RXRA: variants seen among roughly 807,000 people sequenced by gnomAD.
RXRA encodes the protein retinoic acid receptor RXR-alpha.
Under a neutral mutation model 44.5 loss-of-function variants are expected in RXRA, and 5 were observed. That is an observed-to-expected ratio of 0.11 (90% CI 0.06 to 0.24). RXRA has a LOEUF of 0.24. Among genes scored for constraint, RXRA ranks in the 10% least tolerant of loss-of-function variants. RXRA has a pLI of 1.00. For missense variants in RXRA, 412 were observed against 646.5 expected (o/e 0.64, Z 3.93); for synonymous variants, 291 against 271.4 (o/e 1.07, Z -0.71).
At chr9:134,380,645 T>C (rs899399904) in intron 1 of RXRA, among the ~76,000 whole-genome samples, 24 of 152,074 alleles carry the variant, frequency 1.6e-4, no homozygotes, top group Non-Finnish European at 1.9e-4. Context: ...TGGCCAGGCC[T>C]TGGCCCTCCT....
intron 1 of RXRA, among the ~76,000 whole-genome samples, chr9:134,328,191 C>T (rs1447819283): frequency 1.3e-5 from 2 of 152,188 alleles, no homozygotes; most frequent in Non-Finnish European, 2.9e-5. Flanking sequence ...GAGCTAGGCT[C>T]TCCCAGACGA....
Position 134,326,622 on chromosome 9 carries a change from A to T in RXRA, c.-10A>T. The T allele has an allele frequency of 1.0e-6, 1 of 959,302 alleles. No individual in the cohort carries two copies. The highest frequency in any genetic ancestry group is 1.2e-6 in the Non-Finnish European group (1 of 813,722). 59.4% of individuals were successfully genotyped at this position (959,302 alleles called of 1,614,324 possible). On this transcript the variant is annotated 5_prime_UTR_variant, in exon 1 of 10. An upstream open reading frame in the 5' UTR loses its in-frame stop. Coordinates refer to ENST00000481739, the MANE Select transcript of RXRA (RefSeq NM_002957.6). ...CTGCGCCGCCGGCCGGGCATGAGTTAGTCGCAGACATGGACACCAAACATT... is the reference window on the plus strand; with the variant it reads ...CTGCGCCGCCGGCCGGGCATGAGTTTGTCGCAGACATGGACACCAAACATT...
chr9:134,429,357 AG>A, intron 7 of RXRA, 117 bp downstream of exon 7: 1 of 1,083,562 alleles, frequency 9.2e-7, no homozygotes, highest in Non-Finnish European at 1.3e-6. Flanking sequence ...CAGTGCATGA[AG>A]GGTGCACACA....
At chr9:134,358,660 G>T (rs1307908849) in intron 1 of RXRA, among the ~76,000 whole-genome samples, 1 of 152,196 alleles carries the variant, frequency 6.6e-6, no homozygotes, top group Non-Finnish European at 1.5e-5. Context: ...CCTAGGCCCT[G>T]CCCTCCCCTC....
rs1831259269 is a variant in RXRA, at chr9:134,417,604, A to G, written c.780+277A>G. Reference sequence around the variant, plus strand: ...CCTGGGGCCCTGCGGCCACATCATCATCCTCGGCCACCTCTGCTGGGGCCT... The same window carrying G: ...CCTGGGGCCCTGCGGCCACATCATCGTCCTCGGCCACCTCTGCTGGGGCCT... On this transcript the variant is annotated intron_variant, in intron 5 of 9. Transcript: ENST00000481739. The surrounding 1 kb of genome is among the most constrained non-coding windows in gnomAD (Gnocchi z 6.1). Among the ~76,000 whole-genome samples, 1 of 151,006 alleles carries G rather than the reference A, an allele frequency of 6.6e-6. No homozygotes were observed. Among genetic ancestry groups the G allele is most frequent in the South Asian group, 2.1e-4 (1 of 4,802 alleles).
At chr9:134,425,327 T>C in intron 6 of RXRA, 1 of 985,232 alleles carries the variant, frequency 1.0e-6, no homozygotes. Context: ...TTTTGGCTTG[T>C]TCCATGGAAG....
At position 134,343,925 on chromosome 9, in the gene RXRA, C is replaced by G. The variant is rs1554748402; in HGVS notation, c.28+17266C>G. On this transcript the variant is annotated intron_variant, in intron 1 of 9. Transcript: ENST00000481739. The surrounding 1 kb of genome is among the most constrained non-coding windows in gnomAD (Gnocchi z 4.1). ...CGGTCATTGGCCCTCGTGGCCCTACCACAGTGGGGTGGGCATCTCCCCATA... is the reference window on the plus strand; with the variant it reads ...CGGTCATTGGCCCTCGTGGCCCTACGACAGTGGGGTGGGCATCTCCCCATA... Among the ~76,000 whole-genome samples, 2 of 152,190 alleles carry G rather than the reference C, an allele frequency of 1.3e-5. No individual in the cohort carries two copies. The highest frequency in any genetic ancestry group is 2.9e-5 in the Non-Finnish European group (2 of 68,018).
chr9:134,350,666 G>T (rs2119042540), intron 1 of RXRA, among the ~76,000 whole-genome samples: 1 of 152,326 alleles, frequency 6.6e-6, no homozygotes, highest in Non-Finnish European at 1.5e-5. Context: ...GCTCCACCCT[G>T]CCCTTCCCCA....
chr9:134,428,114 T>C (rs1831464175), intron 6 of RXRA, among the ~76,000 whole-genome samples: 2 of 152,176 alleles, frequency 1.3e-5, no homozygotes. Context: ...CTGCTCTGCT[T>C]CATCTGCACT....
chr9:134,436,370 G>A (rs1805347), intron 9 of RXRA, 97 bp from the exon 10 acceptor site: 57,543 of 1,229,648 alleles, frequency 0.047, 2,076 homozygotes, highest in South Asian at 0.13. Context: ...GAGGGGTTGG[G>A]GTATCAGACA....
intron 6 of RXRA, chr9:134,422,131 C>T (rs1159367428): frequency 1.5e-6 from 2 of 1,321,712 alleles, no homozygotes; most frequent in Admixed American, 2.3e-5. Flanking sequence ...GGGACACTCC[C>T]CACTCCTGGG....
Position 134,423,405 on chromosome 9 carries a change from C to T in RXRA, c.910+1600C>T, listed in dbSNP as rs1378422573. The T allele has an allele frequency of 3.0e-5, 30 of 985,424 alleles. No individual in the cohort carries two copies. The South Asian group carries it at 6.1e-4, about 20-fold the overall frequency. The allele number at this position is 985,424 out of a possible 1,614,324, so 61.0% of individuals were successfully genotyped here. On this transcript the variant is annotated intron_variant, in intron 6 of 9. Coordinates refer to ENST00000481739, the MANE Select transcript of RXRA (RefSeq NM_002957.6). ...CTGGGGAGCCTCAGCCCATACAAGG[C>T]GGCTCCTAAGTGGCAAGTGGAGAAG...
intron 4 of RXRA, among the ~76,000 whole-genome samples, chr9:134,413,340 G>A (rs1298038886): frequency 6.6e-6 from 1 of 151,944 alleles, no homozygotes; most frequent in Non-Finnish European, 1.5e-5. Flanking sequence ...TATGTGTGGT[G>A]TGGTATGTCT....
chr9:134,368,167 G>C (rs1830437651), intron 1 of RXRA, among the ~76,000 whole-genome samples: 1 of 152,234 alleles, frequency 6.6e-6, no homozygotes, highest in Non-Finnish European at 1.5e-5. Flanking sequence ...CTCTGTAGGG[G>C]AGGGAGGCCA....
rs1292272818 is a variant in RXRA at position 134,342,630 on chromosome 9, G to A, written c.28+15971G>A. ...GCTGCTGTGAGCCCAGGCAGGTGGT[G>A]GGGCTGCGGGGCTGCGGGAGGAGGC... is the stretch of plus-strand genomic sequence containing the variant. On this transcript the variant is annotated intron_variant, in intron 1 of 9. Coordinates refer to ENST00000481739, the MANE Select transcript of RXRA (RefSeq NM_002957.6). The surrounding 1 kb of genome is among the most constrained non-coding windows in gnomAD (Gnocchi z 4.4). Among the ~76,000 whole-genome samples, 1 of 152,184 alleles carries A rather than the reference G, an allele frequency of 6.6e-6. No homozygotes were observed. The highest frequency in any genetic ancestry group is 1.5e-5 in the Non-Finnish European group (1 of 68,014).
intron 1 of RXRA, among the ~76,000 whole-genome samples, chr9:134,390,322 C>G (rs371741357): frequency 1.3e-5 from 2 of 152,350 alleles, no homozygotes; most frequent in African/African-American, 4.8e-5. Context: ...CATTGCCGTC[C>G]CTTCCACGGG....
intron 1 of RXRA, among the ~76,000 whole-genome samples, chr9:134,336,731 T>C (rs782001899): frequency 7.2e-5 from 11 of 152,242 alleles, no homozygotes; most frequent in Non-Finnish European, 1.6e-4. Flanking sequence ...ATAAGCCTCA[T>C]GAAGTTTGTG....
intron 1 of RXRA, chr9:134,373,967 A>G (rs546025633): frequency 1.3e-5 from 2 of 152,206 alleles, no homozygotes; most frequent in South Asian, 4.2e-4. Flanking sequence ...GCGCCACCTC[A>G]CCTGGCCTCC....
chr9:134,334,639 G>C (rs1554747078), intron 1 of RXRA, among the ~76,000 whole-genome samples: 1 of 152,234 alleles, frequency 6.6e-6, no homozygotes, highest in East Asian at 1.9e-4. Context: ...CCCCTCTGTG[G>C]GCTTCAGTTT....
Sources: allele counts gnomAD v4.1 joint callset (sites outside exome capture counted in the v4.1 genomes callset), GRCh38; gene constraint gnomAD v4.1.1; non-coding constraint Gnocchi (gnomAD v3.1); transcripts MANE v1.5; gene names NCBI Gene and HGNC (gene_info 2026-07-23, HGNC 2026-07-21).